The following SNTG2 variants were observed in gnomAD, a reference collection of about 807,000 sequenced individuals.
The protein encoded by SNTG2 is gamma-2-syntrophin.
SNTG2 carries 74 observed loss-of-function variants against 70.9 expected under a neutral mutation model. That is an observed-to-expected ratio of 1.04 (90% confidence interval 0.86 to 1.27). The LOEUF (loss-of-function observed/expected upper bound fraction) is 1.27. SNTG2 is among the 50% of genes most tolerant of loss of function. The pLI is 0.00. For missense variants in SNTG2, 717 were observed against 690.7 expected (o/e 1.04, Z -0.43); for synonymous variants, 278 against 273.8 (o/e 1.02, Z -0.15).
intron 8 of SNTG2, among the ~76,000 whole-genome samples, chr2:1,188,489 A>G (rs554250772): frequency 7.9e-5 from 12 of 152,264 alleles, no homozygotes; most frequent in Admixed American, 5.9e-4. Flanking sequence ...TATTTAAAAG[A>G]GACACACTCA....
At chr2:1,251,208 A>G (rs1644592566) in intron 12 of SNTG2, among the ~76,000 whole-genome samples, 2 of 152,258 alleles carry the variant, frequency 1.3e-5, no homozygotes, top group South Asian at 2.1e-4. Flanking sequence ...ATGTTACTCT[A>G]AAGTGTACGC....
chr2:1,054,807 G>C lies in SNTG2; in HGVS notation c.73-28711G>C, dbSNP rs186799870. Among the ~76,000 whole-genome samples, 836 of 152,264 alleles carry C rather than the reference G, an allele frequency of 5.5e-3. 6 individuals are homozygous for C. The highest frequency in any genetic ancestry group is 1.0e-2 in the Non-Finnish European group (679 of 68,018). On this transcript the variant is annotated intron_variant, in intron 1 of 16. Coordinates refer to ENST00000308624, the MANE Select transcript of SNTG2 (RefSeq NM_018968.4). ...ATTTTCAAATGAAAAATCTAAATTG[G>C]GAAAATGAAGAAAGTAAAACAGAAT...
chr2:1,237,786 G>A (rs1676765245), intron 9 of SNTG2, 102 bp from the exon 10 acceptor site: 11 of 1,423,050 alleles, frequency 7.7e-6, no homozygotes, highest in Non-Finnish European at 1.0e-5. Context: ...CCCATGTCCT[G>A]GGTCCAGGGT....
At chr2:1,208,486 C>T (rs1026658884) in intron 8 of SNTG2, among the ~76,000 whole-genome samples, 1 of 152,170 alleles carries the variant, frequency 6.6e-6, no homozygotes, top group African/African-American at 2.4e-5. Flanking sequence ...GGCCCAGAAC[C>T]TACCTCCGAC....
chr2:1,248,760 C>T (rs1677588376), intron 12 of SNTG2, among the ~76,000 whole-genome samples: 1 of 152,110 alleles, frequency 6.6e-6, no homozygotes. Flanking sequence ...GACCACGTAC[C>T]ACTGACACTG....
At chr2:1,144,882 C>T (rs1050213059) in intron 6 of SNTG2, among the ~76,000 whole-genome samples, 4 of 152,172 alleles carry the variant, frequency 2.6e-5, no homozygotes, top group Non-Finnish European at 5.9e-5. Flanking sequence ...AGTGTCTGCT[C>T]TTAAACCAAA....
chr2:1,130,374 G>C (rs1022468752), intron 4 of SNTG2, among the ~76,000 whole-genome samples: 1 of 152,100 alleles, frequency 6.6e-6, no homozygotes, highest in Non-Finnish European at 1.5e-5. Flanking sequence ...ATATGATAAA[G>C]AAGATAAATT....
chr2:1,079,268 C>T (rs973737458), intron 1 of SNTG2, among the ~76,000 whole-genome samples: 1 of 151,730 alleles, frequency 6.6e-6, no homozygotes, highest in African/African-American at 2.4e-5. Context: ...GGTGATGTCT[C>T]CAGGGCACAG....
chr2:1,243,486 C>T (rs1462133652), intron 11 of SNTG2, among the ~76,000 whole-genome samples: 1 of 152,168 alleles, frequency 6.6e-6, no homozygotes, highest in Non-Finnish European at 1.5e-5. Context: ...CTTGCTGCTG[C>T]CATGCTGGAA....
rs527672812 is a variant in SNTG2 at position 1,212,048 on chromosome 2, A to G, written c.719+2818A>G. ...GCCTGAGCCTCAGATTGTTTCTGTT[A>G]CAAAAGCTATCACACACTGATTTGG... On this transcript the variant is annotated intron_variant, in intron 9 of 16. Coordinates refer to ENST00000308624, the MANE Select transcript of SNTG2 (RefSeq NM_018968.4). Among the ~76,000 whole-genome samples, 44 of 152,250 alleles carry G rather than the reference A, an allele frequency of 2.9e-4. 1 individual carries two copies. In the South Asian group the frequency reaches 8.7e-3, roughly 30 times the overall value.
chr2:1,048,290 A>T (rs1294874446), intron 1 of SNTG2, among the ~76,000 whole-genome samples: 2 of 152,006 alleles, frequency 1.3e-5, no homozygotes, highest in East Asian at 3.9e-4. Flanking sequence ...TTTCACTAAG[A>T]CCTCCTTATG....
At chr2:1,123,453 G>A (rs1017035680) in intron 4 of SNTG2, among the ~76,000 whole-genome samples, 4 of 152,186 alleles carry the variant, frequency 2.6e-5, no homozygotes, top group Non-Finnish European at 5.9e-5. Flanking sequence ...AGGATACAAT[G>A]GAGAATGTAT....
intron 13 of SNTG2, among the ~76,000 whole-genome samples, chr2:1,265,259 T>C (rs1678659553): frequency 6.6e-6 from 1 of 152,216 alleles, no homozygotes; most frequent in South Asian, 2.1e-4. Context: ...AAGGAGACGA[T>C]CCAGAGGGCC....
intron 14 of SNTG2, among the ~76,000 whole-genome samples, chr2:1,305,835 C>G (rs1316167885): frequency 2.6e-5 from 4 of 152,180 alleles, no homozygotes; most frequent in Non-Finnish European, 2.9e-5. Context: ...ATGTGGCCAT[C>G]TGGAGTAACT....
intron 8 of SNTG2, among the ~76,000 whole-genome samples, chr2:1,208,521 G>T (rs1673813358): frequency 6.6e-6 from 1 of 152,142 alleles, no homozygotes; most frequent in Non-Finnish European, 1.5e-5. Context: ...ACTCTTGCGG[G>T]GCTGCTGCGT....
chr2:1,239,602 C>A, intron 10 of SNTG2, 136 bp from the exon 11 acceptor site: 2 of 840,050 alleles, frequency 2.4e-6, no homozygotes, highest in Non-Finnish European at 3.8e-6. Flanking sequence ...CTGGCTAGGT[C>A]TTCAGATAGG....
intron 1 of SNTG2, among the ~76,000 whole-genome samples, chr2:969,090 A>G (rs1242732667): frequency 6.6e-6 from 1 of 152,332 alleles, no homozygotes; most frequent in Non-Finnish European, 1.5e-5. Context: ...ATGGCAAGTC[A>G]GTTATCACCA....
chr2:1,317,510 G>A (rs1681339959), intron 16 of SNTG2, among the ~76,000 whole-genome samples: 1 of 117,318 alleles, frequency 8.5e-6, no homozygotes, highest in Non-Finnish European at 1.9e-5. Context: ...ATTGGAGAAG[G>A]TTGGGATTCT....
chr2:1,179,675 G>C (rs1178190901), intron 8 of SNTG2, among the ~76,000 whole-genome samples: 9 of 151,686 alleles, frequency 5.9e-5, no homozygotes, highest in East Asian at 5.9e-4. Context: ...CCATCCCCAT[G>C]AAGCTACCAA....
Sources: gnomAD v4.1 joint callset for allele counts (sites outside exome capture counted in the v4.1 genomes callset) on GRCh38, gnomAD v4.1.1 for gene constraint, MANE v1.5 for transcripts, NCBI Gene and HGNC (gene_info 2026-07-23, HGNC 2026-07-21) for gene names.